The following EPB41 variants were observed in gnomAD, a reference collection of about 807,000 sequenced individuals.
EPB41 encodes erythrocyte membrane protein band 4.1.
Under a neutral mutation model 108.0 loss-of-function variants are expected in EPB41, and 65 were observed. The observed-to-expected ratio is 0.60, with a 90% CI of 0.49 to 0.74. The LOEUF (loss-of-function observed/expected upper bound fraction) is 0.74, where lower values mean the gene tolerates loss of function less well. Among genes scored for constraint, EPB41 ranks in the 30% least tolerant of loss-of-function variants. EPB41 has a pLI of 0.00. For missense variants in EPB41, 875 were observed against 1,037.0 expected (o/e 0.84, Z 2.15); for synonymous variants, 336 against 358.9 (o/e 0.94, Z 0.72).
rs1572408000 is a variant in EPB41 at position 29,011,359 on chromosome 1, C to T, written c.787-506C>T. Among the ~76,000 whole-genome samples, 6 of 150,168 alleles carry T rather than the reference C, an allele frequency of 4.0e-5. No homozygotes were observed. In the South Asian group the frequency reaches 1.3e-3, roughly 32 times the overall value. On this transcript the variant is annotated intron_variant, in intron 4 of 20. Transcript: ENST00000343067. ...TAGCCAGGGCAATAGAGCGAGACTC[C>T]TTCTCAAAAAGAAAAAAAAAAAAAG...
chr1:28,970,083 T>C (rs1440241995), intron 1 of EPB41, among the ~76,000 whole-genome samples: 1 of 152,210 alleles, frequency 6.6e-6, no homozygotes, highest in Non-Finnish European at 1.5e-5. Context: ...TTGAATACTT[T>C]CAGCAAATAG....
At chr1:29,027,881 A>G (rs765422664) in intron 7 of EPB41, among the ~76,000 whole-genome samples, 11 of 151,828 alleles carry the variant, frequency 7.2e-5, no homozygotes, top group Non-Finnish European at 1.0e-4. Context: ...CTGGGGTGCA[A>G]TGACGCAATC....
Position 29,109,375 on chromosome 1 carries a change from C to G in EPB41, c.2353C>G (p.Leu785Val). Residue 785 changes from leucine (L) to valine (V), a missense_variant, in exon 18 of 21, where the codon CTG becomes GTG. Coordinates refer to ENST00000343067, the MANE Select transcript of EPB41 (RefSeq NM_001376013.1). ...NSGDLDPGVL[L>V]TAQTITSETP... The stretch of plus-strand genomic sequence containing the variant: ...TGGAGACTTGGACCCAGGAGTCTTG[C>G]TGACAGCTCAAACTATCACATCTGA... 6.2e-7 allele frequency: 1 copy of G among 1,614,104 alleles called. No homozygotes were observed. The highest frequency in any genetic ancestry group is 8.5e-7 in the Non-Finnish European group (1 of 1,180,006).
chr1:29,087,290 A>G (rs1416218258), intron 16 of EPB41, among the ~76,000 whole-genome samples: 2 of 152,102 alleles, frequency 1.3e-5, no homozygotes, highest in Non-Finnish European at 2.9e-5. Flanking sequence ...CCTTACTTCA[A>G]AAATAACCTG....
At chr1:29,074,107 T>C (rs1431750317) in intron 16 of EPB41, among the ~76,000 whole-genome samples, 1 of 152,178 alleles carries the variant, frequency 6.6e-6, no homozygotes, top group Non-Finnish European at 1.5e-5. Context: ...CTTTACCCAG[T>C]GATCATGTAT....
intron 8 of EPB41, among the ~76,000 whole-genome samples, chr1:29,032,162 A>G (rs561341269): frequency 6.6e-6 from 1 of 151,924 alleles, no homozygotes; most frequent in Non-Finnish European, 1.5e-5. Context: ...TACAACTTCT[A>G]TGAATCTCTA....
At chr1:29,075,120 G>T (rs1420976112) in intron 16 of EPB41, among the ~76,000 whole-genome samples, 1 of 137,638 alleles carries the variant, frequency 7.3e-6, no homozygotes, top group Non-Finnish European at 1.5e-5. Context: ...TCACGCCACT[G>T]CACTCCAGCC....
intron 15 of EPB41, among the ~76,000 whole-genome samples, chr1:29,064,029 T>G (rs949420160): frequency 6.6e-6 from 1 of 152,182 alleles, no homozygotes; most frequent in Non-Finnish European, 1.5e-5. Context: ...TACCTCAGGT[T>G]GCCCAGTATT....
At chr1:28,947,950 A>G (rs1022276455) in intron 1 of EPB41, among the ~76,000 whole-genome samples, 1 of 151,894 alleles carries the variant, frequency 6.6e-6, no homozygotes, top group East Asian at 1.9e-4. Context: ...ACTAGAATGC[A>G]TTTTGGTTTG....
At chr1:28,938,203 T>C (rs2094126780) in intron 1 of EPB41, among the ~76,000 whole-genome samples, 2 of 152,230 alleles carry the variant, frequency 1.3e-5, no homozygotes. Flanking sequence ...TATTTCCATA[T>C]GAATTTTAGC....
At chr1:29,083,017 A>G (rs1345516594) in intron 16 of EPB41, among the ~76,000 whole-genome samples, 1 of 152,226 alleles carries the variant, frequency 6.6e-6, no homozygotes, top group Non-Finnish European at 1.5e-5. Flanking sequence ...AAAGGCCCAC[A>G]TCTTCCGGAA....
chr1:28,962,637 T>C lies in EPB41; in HGVS notation c.-7-24794T>C, dbSNP rs557185961. Among the ~76,000 whole-genome samples the C allele has an allele frequency of 5.3e-5, 8 of 151,262 alleles. No individual in the cohort carries two copies. The South Asian group carries it at 1.7e-3, about 31-fold the overall frequency. On this transcript the variant is annotated intron_variant, in intron 1 of 20. Coordinates refer to ENST00000343067, the MANE Select transcript of EPB41 (RefSeq NM_001376013.1). ...TTTCTGTCTCTGGATTTGACTAGGT[T>C]AGAACTTTCTGTCTCTGGATTTGAC...
chr1:29,059,464 A>G (rs1191078675), intron 14 of EPB41, among the ~76,000 whole-genome samples: 1 of 152,056 alleles, frequency 6.6e-6, no homozygotes, highest in Non-Finnish European at 1.5e-5. Context: ...AATATTTTAT[A>G]TACATTTATC....
chr1:29,061,580 T>TG (rs1646566219), intron 15 of EPB41, among the ~76,000 whole-genome samples: 1 of 135,144 alleles, frequency 7.4e-6, no homozygotes, highest in Non-Finnish European at 1.6e-5. Context: ...TTGTTTTTTT[T>TG]TTTTTTTTTT....
chr1:29,067,879 T>C (rs1013354741), intron 16 of EPB41, among the ~76,000 whole-genome samples: 1 of 152,188 alleles, frequency 6.6e-6, no homozygotes, highest in African/African-American at 2.4e-5. Context: ...TTTTCTGATA[T>C]AAATGGACTT....
At chr1:29,067,783 GA>G (rs748861982) in intron 16 of EPB41, among the ~76,000 whole-genome samples, 7 of 152,058 alleles carry the variant, frequency 4.6e-5, no homozygotes, top group Non-Finnish European at 8.8e-5. Context: ...TAAGGCTGGA[GA>G]ATACCTGAGT....
intron 1 of EPB41, among the ~76,000 whole-genome samples, chr1:28,941,687 G>A (rs1177785376): frequency 6.6e-6 from 1 of 152,058 alleles, no homozygotes; most frequent in African/African-American, 2.4e-5. Flanking sequence ...CCTGAGGTCG[G>A]GAGTTCCAGA....
rs769822143 is a variant in EPB41 at position 29,058,644 on chromosome 1, AG to A, written c.1902+1del. On this transcript the variant is annotated frameshift_variant and splice_region_variant, in exon 13 of 21. Coordinates refer to ENST00000343067, the MANE Select transcript of EPB41 (RefSeq NM_001376013.1). LOFTEE classifies it high-confidence loss of function. ...CCCACCTCAAATGGTGACCAAACAC[AG>A]GTTTGTGCCAATAGGCCACTTGTTC... ...TVPTSNGDQTQKLAEKTEDLI... is the reference protein window; with the variant it reads ...TVPTSNGDQTXKLAEKTEDLI... 1.2e-6 allele frequency: 2 copies of A among 1,613,350 alleles called. No homozygotes were observed. The highest frequency in any genetic ancestry group is 1.7e-6 in the Non-Finnish European group (2 of 1,179,658).
intron 1 of EPB41, among the ~76,000 whole-genome samples, chr1:28,973,607 C>T (rs2095540975): frequency 6.6e-6 from 1 of 152,104 alleles, no homozygotes; most frequent in Non-Finnish European, 1.5e-5. Context: ...GTTGCCCAGG[C>T]TGGTTTGGAA....
Sources: allele counts gnomAD v4.1 joint callset (sites outside exome capture counted in the v4.1 genomes callset), GRCh38; gene constraint gnomAD v4.1.1; transcripts MANE v1.5; gene names NCBI Gene and HGNC (gene_info 2026-07-23, HGNC 2026-07-21).